Variants in ADAMTS2 observed in about 807,000 individuals in gnomAD.
The protein encoded by ADAMTS2 is A disintegrin and metalloproteinase with thrombospondin motifs 2.
Under a neutral mutation model 123.0 loss-of-function variants are expected in ADAMTS2, and 50 were observed. The ratio of observed to expected loss-of-function variants is 0.41; its 90% CI spans 0.32 to 0.51. The LOEUF (loss-of-function observed/expected upper bound fraction) is 0.51. Ranked by LOEUF, ADAMTS2 falls within the 20% of genes least tolerant of loss-of-function variation. The pLI is 0.35. For synonymous variants in ADAMTS2, 678 were observed against 695.4 expected (o/e 0.98, Z 0.39); for missense variants, 1,494 against 1,705.2 (o/e 0.88, Z 2.18).
At chr5:179,126,681 A>G (rs914117449) in intron 17 of ADAMTS2, among the ~76,000 whole-genome samples, 1 of 152,232 alleles carries the variant, frequency 6.6e-6, no homozygotes, top group African/African-American at 2.4e-5. Context: ...GACAGCCCCC[A>G]TGGCGGCGAG....
chr5:179,316,586 G>T (rs905672974), intron 2 of ADAMTS2, among the ~76,000 whole-genome samples: 1 of 152,188 alleles, frequency 6.6e-6, no homozygotes, highest in African/African-American at 2.4e-5. Context: ...AGAACAGAAG[G>T]CTGCCTCTTC....
chr5:179,190,387 T>C (rs968954119), intron 4 of ADAMTS2, among the ~76,000 whole-genome samples: 9 of 152,158 alleles, frequency 5.9e-5, no homozygotes, highest in Non-Finnish European at 1.3e-4. Flanking sequence ...TATAGAATGA[T>C]TGGTGATGGC....
rs1762579945 is a variant in ADAMTS2 at position 179,112,252 on chromosome 5, G to A, written c.*1615C>T. ...CGAAGAGGATTGGTGAGAGTACACA[G>A]CCTCTAGAAGTTTCTTAAACAGGAA... is the stretch of plus-strand genomic sequence containing the variant. On this transcript the variant is annotated 3_prime_UTR_variant, in exon 22 of 22. Transcript: ENST00000251582. The A allele has an allele frequency of 6.6e-6, 1 of 152,164 alleles. No individual in the cohort carries two copies. The highest frequency in any genetic ancestry group is 2.4e-5 in the African/African-American group (1 of 41,422). The allele number at this position is 152,164 out of a possible 1,614,324, so 9.4% of individuals were successfully genotyped here. A position where few individuals can be genotyped will look rare whatever the true frequency, so the allele number is the denominator to read the frequency against.
At chr5:179,269,668 T>C (rs1766476348) in intron 3 of ADAMTS2, among the ~76,000 whole-genome samples, 1 of 152,110 alleles carries the variant, frequency 6.6e-6, no homozygotes, top group Non-Finnish European at 1.5e-5. Flanking sequence ...AATGTTCCTA[T>C]TGTTTCAAGC....
rs1438222819 is a variant in ADAMTS2, at chr5:179,175,891, C to A, written c.975+5181G>T. On this transcript the variant is annotated intron_variant, in intron 5 of 21. Coordinates refer to ENST00000251582, the MANE Select transcript of ADAMTS2 (RefSeq NM_014244.5). The surrounding 1 kb of genome is among the most constrained non-coding windows in gnomAD (Gnocchi z 4.1). Reference sequence around the variant, plus strand: ...TCCCCAGAGCAGGTTCAGCAGGCTGCGGATCTGCTGAGCAAGAAGCTTCCG... The same window carrying A: ...TCCCCAGAGCAGGTTCAGCAGGCTGAGGATCTGCTGAGCAAGAAGCTTCCG... Among the ~76,000 whole-genome samples, 1 of 151,958 alleles carries A rather than the reference C, an allele frequency of 6.6e-6. No homozygotes were observed. Among genetic ancestry groups the A allele is most frequent in the East Asian group, 1.9e-4 (1 of 5,164 alleles).
At chr5:179,293,404 T>C (rs1756242720) in intron 2 of ADAMTS2, among the ~76,000 whole-genome samples, 1 of 152,260 alleles carries the variant, frequency 6.6e-6, no homozygotes, top group African/African-American at 2.4e-5. Context: ...GTATTTTCCC[T>C]GCTAACTGCA....
chr5:179,259,234 C>A (rs570238793), intron 3 of ADAMTS2, among the ~76,000 whole-genome samples: 50 of 152,362 alleles, frequency 3.3e-4, no homozygotes, highest in Non-Finnish European at 1.5e-5. Flanking sequence ...GGCCCCTTTT[C>A]CTCCTGGGGA....
In ADAMTS2 at chr5:179,202,797, A is replaced by G. The variant is rs1295990101; in HGVS notation, c.891+4716T>C. ...GTTGCAGCTGTACCTACTGGGACAC[A>G]TGGCTTCCAAGGTTTCCGTGGCAGG... On this transcript the variant is annotated intron_variant, in intron 4 of 21. Transcript: ENST00000251582. The surrounding 1 kb of genome is among the most constrained non-coding windows in gnomAD (Gnocchi z 4.0). Among the ~76,000 whole-genome samples the G allele has an allele frequency of 6.6e-6, 1 of 152,154 alleles. No individual in the cohort carries two copies. The highest frequency in any genetic ancestry group is 1.5e-5 in the Non-Finnish European group (1 of 68,018).
intron 3 of ADAMTS2, among the ~76,000 whole-genome samples, chr5:179,259,761 GCTGGTGCTTGGGC>G (rs1161036109): frequency 6.6e-6 from 1 of 152,234 alleles, no homozygotes; most frequent in African/African-American, 2.4e-5. Flanking sequence ...GTCAGAAAGT[GCTGGTGCTTGGGC>G]CTGGAAGGAA....
intron 2 of ADAMTS2, among the ~76,000 whole-genome samples, chr5:179,329,183 C>T (rs911176448): frequency 1.3e-5 from 2 of 152,012 alleles, no homozygotes; most frequent in Non-Finnish European, 2.9e-5. Context: ...AAAAATTAGC[C>T]GGGTGTGGTG....
chr5:179,337,976 T>A (rs148881498), intron 2 of ADAMTS2, among the ~76,000 whole-genome samples: 15 of 152,344 alleles, frequency 9.8e-5, no homozygotes, highest in South Asian at 6.2e-4. Context: ...AGGGCCTGCA[T>A]TCACTCAGGC....
At chr5:179,280,057 G>A (rs1766848560) in intron 2 of ADAMTS2, among the ~76,000 whole-genome samples, 1 of 152,146 alleles carries the variant, frequency 6.6e-6, no homozygotes, top group Non-Finnish European at 1.5e-5. Flanking sequence ...GGCCTTCCAG[G>A]GTTCTGCTGA....
chr5:179,225,439 AC>A lies in ADAMTS2; in HGVS notation c.689-17725del, dbSNP rs1765258043. Among the ~76,000 whole-genome samples, 1 of 151,970 alleles carries A rather than the reference AC, an allele frequency of 6.6e-6. No homozygotes were observed. The highest frequency in any genetic ancestry group is 1.5e-5 in the Non-Finnish European group (1 of 67,996). ...CTCACGGACCTATGTGAGGACAGGCACTCTTGCCTTTGTGCCCAAATGTCAC... is the reference window on the plus strand; with the variant it reads ...CTCACGGACCTATGTGAGGACAGGCATCTTGCCTTTGTGCCCAAATGTCAC... On this transcript the variant is annotated intron_variant, in intron 3 of 21. Transcript: ENST00000251582. The surrounding 1 kb of genome is among the most constrained non-coding windows in gnomAD (Gnocchi z 4.5).
Position 179,216,370 on chromosome 5 carries a change from C to A in ADAMTS2, c.689-8655G>T, listed in dbSNP as rs945837154. 6.6e-5 allele frequency among the ~76,000 whole-genome samples: 10 copies of A among 152,178 alleles called. No homozygotes were observed. In the East Asian group the frequency reaches 1.7e-3, roughly 26 times the overall value. On this transcript the variant is annotated intron_variant, in intron 3 of 21. Transcript: ENST00000251582. The stretch of plus-strand genomic sequence containing the variant: ...GGCTTGGCCATGTGCCGATGAGGGG[C>A]GCTCCCCTCCTCTGCTGAGGACGCA...
rs560989083 is a variant in ADAMTS2 at position 179,129,182 on chromosome 5, C to A, written c.2457+750G>T. On this transcript the variant is annotated intron_variant, in intron 16 of 21. Coordinates refer to ENST00000251582, the MANE Select transcript of ADAMTS2 (RefSeq NM_014244.5). This position sits in a 1 kb window ranked among gnomAD's most constrained non-coding sequence, Gnocchi z 4.1. ...TGATGCAGGCAGGTCACCAAAGGCACGTCCAGGGGGCCAGAAGTCACTGCA... is the reference window on the plus strand; with the variant it reads ...TGATGCAGGCAGGTCACCAAAGGCAAGTCCAGGGGGCCAGAAGTCACTGCA... 2.0e-5 allele frequency among the ~76,000 whole-genome samples: 3 copies of A among 152,150 alleles called. No homozygotes were observed. The highest frequency in any genetic ancestry group is 7.2e-5 in the African/African-American group (3 of 41,428).
At chr5:179,187,006 C>A (rs555828279) in intron 4 of ADAMTS2, among the ~76,000 whole-genome samples, 1 of 152,250 alleles carries the variant, frequency 6.6e-6, no homozygotes, top group Admixed American at 6.5e-5. Context: ...CCCTGGCTGG[C>A]TTCTCCATGC....
chr5:179,196,480 C>G (rs572749862), intron 4 of ADAMTS2, among the ~76,000 whole-genome samples: 1 of 152,320 alleles, frequency 6.6e-6, no homozygotes, highest in Non-Finnish European at 1.5e-5. Context: ...GCCCGGAAAC[C>G]TGCTCCTCCT....
Position 179,202,193 on chromosome 5 carries a change from G to A in ADAMTS2, c.891+5320C>T, listed in dbSNP as rs1190771855. Among the ~76,000 whole-genome samples, 1 of 151,556 alleles carries A rather than the reference G, an allele frequency of 6.6e-6. No homozygotes were observed. Among genetic ancestry groups the A allele is most frequent in the Non-Finnish European group, 1.5e-5 (1 of 67,904 alleles). On this transcript the variant is annotated intron_variant, in intron 4 of 21. Coordinates refer to ENST00000251582, the MANE Select transcript of ADAMTS2 (RefSeq NM_014244.5). This position sits in a 1 kb window ranked among gnomAD's most constrained non-coding sequence, Gnocchi z 4.0. ...TGCGGCGGCCGGCCTTGCCGGCCCC[G>A]ACTTCCCCTACCTGTGCCCCCTGCT...
At chr5:179,206,411 C>T (rs760220448) in intron 4 of ADAMTS2, among the ~76,000 whole-genome samples, 78 of 152,334 alleles carry the variant, frequency 5.1e-4, no homozygotes, top group Non-Finnish European at 8.1e-4. Flanking sequence ...CAGACCTGCA[C>T]ACCCTGCTGC....
Sources: gnomAD v4.1 joint callset for allele counts (sites outside exome capture counted in the v4.1 genomes callset) on GRCh38, gnomAD v4.1.1 for gene constraint, Gnocchi (gnomAD v3.1) non-coding constraint, MANE v1.5 for transcripts, NCBI Gene and HGNC (gene_info 2026-07-23, HGNC 2026-07-21) for gene names.